UCHL3: variants seen among roughly 807,000 people sequenced by gnomAD.
UCHL3 encodes the protein ubiquitin carboxyl-terminal hydrolase isozyme L3.
UCHL3 carries 22 observed loss-of-function variants against 35.8 expected under a neutral mutation model. That is an observed-to-expected ratio of 0.61 (90% CI 0.44 to 0.88). UCHL3 has a LOEUF of 0.88. Ranked by LOEUF, UCHL3 falls within the 40% of genes least tolerant of loss-of-function variation. The pLI, the probability that UCHL3 is intolerant of heterozygous loss-of-function variation, is 0.00. For missense variants in UCHL3, 229 were observed against 276.9 expected (o/e 0.83, Z 1.23); for synonymous variants, 90 against 92.8 (o/e 0.97, Z 0.17).
intron 7 of UCHL3, chr13:75,604,477 T>TA (rs2032873509): frequency 3.8e-6 from 1 of 265,648 alleles, no homozygotes. Context: ...TGATAATTTT[T>TA]AAAAAACTGA....
chr13:75,577,156 A>T, intron 6 of UCHL3, among the ~76,000 whole-genome samples: 1 of 152,282 alleles, frequency 6.6e-6, no homozygotes, highest in Non-Finnish European at 1.5e-5. Flanking sequence ...AGGCTGAGAT[A>T]GGAGGATGGC....
At chr13:75,601,925 T>C (rs1167039812) in intron 7 of UCHL3, among the ~76,000 whole-genome samples, 2 of 151,962 alleles carry the variant, frequency 1.3e-5, no homozygotes, top group Non-Finnish European at 2.9e-5. Flanking sequence ...CTGGCTAACA[T>C]GGTGAAACCC....
intron 3 of UCHL3, among the ~76,000 whole-genome samples, chr13:75,561,552 A>G (rs187596897): frequency 6.6e-6 from 1 of 151,892 alleles, no homozygotes; most frequent in African/African-American, 2.4e-5. Context: ...ATATATATAT[A>G]TATAAGGAAT....
rs370180562 is a variant in UCHL3 at position 75,572,647 on chromosome 13, T to G, written c.474+3140T>G. Among the ~76,000 whole-genome samples the G allele has an allele frequency of 2.0e-5, 3 of 152,158 alleles. 1 individual carries two copies. The South Asian group carries it at 6.2e-4, about 32-fold the overall frequency. The stretch of plus-strand genomic sequence containing the variant: ...AACCAGAATTAGCTCAGAACTGTCC[T>G]TGGTAGTGTAAGAAATAAAAAAAAG... On this transcript the variant is annotated intron_variant, in intron 6 of 8. Coordinates refer to ENST00000377595, the MANE Select transcript of UCHL3 (RefSeq NM_006002.5).
chr13:75,593,649 A>T (rs1452464306), intron 6 of UCHL3, among the ~76,000 whole-genome samples: 1 of 152,206 alleles, frequency 6.6e-6, no homozygotes, highest in Non-Finnish European at 1.5e-5. Flanking sequence ...GGAATTCTGT[A>T]GTTCTAGAGT....
rs147399102 is a variant in UCHL3, at chr13:75,579,835, A to C, written c.474+10328A>C. Among the ~76,000 whole-genome samples, 174 of 152,272 alleles carry C rather than the reference A, an allele frequency of 1.1e-3. 1 individual carries two copies. Among genetic ancestry groups the C allele is most frequent in the African/African-American group, 3.7e-3 (155 of 41,564 alleles). On this transcript the variant is annotated intron_variant, in intron 6 of 8. Coordinates refer to ENST00000377595, the MANE Select transcript of UCHL3 (RefSeq NM_006002.5). ...GAGTAGAGGGTAATGTTAGGATATA[A>C]GATTTTTTTGATTTGTAATAAAGGA...
At chr13:75,570,589 T>C (rs111831497) in intron 6 of UCHL3, among the ~76,000 whole-genome samples, 5 of 152,260 alleles carry the variant, frequency 3.3e-5, no homozygotes, top group African/African-American at 9.6e-5. Context: ...TTAAAAAAAC[T>C]TGAAAAGAAT....
At chr13:75,575,724 G>C (rs991474287) in intron 6 of UCHL3, among the ~76,000 whole-genome samples, 6 of 152,004 alleles carry the variant, frequency 3.9e-5, no homozygotes, top group Admixed American at 3.9e-4. Context: ...TCCTCCTCCT[G>C]TCACCCCCAC....
At chr13:75,598,336 A>G (rs1036701623) in intron 7 of UCHL3, among the ~76,000 whole-genome samples, 4 of 152,370 alleles carry the variant, frequency 2.6e-5, no homozygotes, top group Non-Finnish European at 4.4e-5. Context: ...ACTCTCCTAC[A>G]TAACTATAGT....
intron 3 of UCHL3, among the ~76,000 whole-genome samples, chr13:75,561,157 A>G (rs952214181): frequency 2.6e-5 from 4 of 151,980 alleles, no homozygotes; most frequent in African/African-American, 9.7e-5. Context: ...CTGGTCTCCA[A>G]CTCGGGCTCA....
At chr13:75,584,751 G>T (rs1213572592) in intron 6 of UCHL3, among the ~76,000 whole-genome samples, 3 of 152,040 alleles carry the variant, frequency 2.0e-5, no homozygotes, top group Admixed American at 2.0e-4. Flanking sequence ...AGCAGAATTG[G>T]AAACTATTAA....
chr13:75,567,227 AATCTGG>A lies in UCHL3; in HGVS notation c.345_350del (p.Gly116_Ser117del). 6.2e-7 allele frequency: 1 copy of A among 1,613,920 alleles called. No homozygotes were observed. Among genetic ancestry groups the A allele is most frequent in the Non-Finnish European group, 8.5e-7 (1 of 1,179,916 alleles). On this transcript the variant is annotated inframe_deletion and splice_region_variant, in exon 5 of 9. Transcript: ENST00000377595. The stretch of plus-strand genomic sequence containing the variant: ...ATTTTATCTTCTTTCATATTCTCAG[AATCTGG>A]ATCAACCTTGAAAAAATTCCTGGAG...
Position 75,563,566 on chromosome 13 carries a change from G to A in UCHL3, c.183+2685G>A, listed in dbSNP as rs2031585900. On this transcript the variant is annotated intron_variant, in intron 3 of 8. Transcript: ENST00000377595. ...TTGGGTTCATATACATAGTAAAATA[G>A]TTACAATAGTGAAGCAGATTAATAT... Among the ~76,000 whole-genome samples the A allele has an allele frequency of 1.3e-5, 2 of 152,130 alleles. 1 individual carries two copies. The highest frequency in any genetic ancestry group is 1.3e-4 in the Admixed American group (2 of 15,272).
intron 2 of UCHL3, 135 bp downstream of exon 2, chr13:75,550,122 A>G (rs1440492290): frequency 3.1e-5 from 43 of 1,406,496 alleles, no homozygotes; most frequent in Middle Eastern, 3.9e-4. Flanking sequence ...GTTCGGCTTT[A>G]CGCGGGTCCG....
chr13:75,572,079 GTCTT>G (rs1264291209), intron 6 of UCHL3, among the ~76,000 whole-genome samples: 1 of 141,728 alleles, frequency 7.1e-6, no homozygotes, highest in African/African-American at 2.7e-5. Context: ...TCTTTAACTT[GTCTT>G]TCTAACTTTA....
intron 2 of UCHL3, among the ~76,000 whole-genome samples, chr13:75,555,421 T>A (rs1050814504): frequency 6.6e-5 from 10 of 152,204 alleles, no homozygotes; most frequent in African/African-American, 2.4e-4. Context: ...CAGGGATGCG[T>A]CTGAAGTATG....
chr13:75,571,565 G>A (rs989592174), intron 6 of UCHL3, among the ~76,000 whole-genome samples: 3 of 152,192 alleles, frequency 2.0e-5, no homozygotes, highest in African/African-American at 7.2e-5. Flanking sequence ...TGGTTTAGAA[G>A]ATCTGCTTTT....
At chr13:75,580,409 C>A (rs1458187407) in intron 6 of UCHL3, among the ~76,000 whole-genome samples, 1 of 152,170 alleles carries the variant, frequency 6.6e-6, no homozygotes, top group Non-Finnish European at 1.5e-5. Context: ...TGTATGTGTT[C>A]TCATGCATGC....
At chr13:75,595,131 T>C (rs955592815) in intron 7 of UCHL3, 141 bp downstream of exon 7, 3 of 665,236 alleles carry the variant, frequency 4.5e-6, no homozygotes, top group African/African-American at 3.8e-5. Flanking sequence ...ATAGCGACAG[T>C]TTTCCTTTTA....
Sources: allele counts gnomAD v4.1 joint callset (sites outside exome capture counted in the v4.1 genomes callset), GRCh38; gene constraint gnomAD v4.1.1; transcripts MANE v1.5; gene names NCBI Gene and HGNC (gene_info 2026-07-23, HGNC 2026-07-21).